CA1: variants seen among roughly 807,000 people sequenced by gnomAD.
The protein encoded by CA1 is carbonate dehydratase I.
CA1 carries 27 observed loss-of-function variants against 28.8 expected under a neutral mutation model. The ratio of observed to expected loss-of-function variants is 0.94; its 90% CI spans 0.69 to 1.29. The LOEUF (loss-of-function observed/expected upper bound fraction) is 1.29, where lower values mean the gene tolerates loss of function less well. Among genes scored for constraint, CA1 ranks in the 50% most tolerant of loss-of-function variants. The probability of loss-of-function intolerance (pLI) is 0.00; values close to 1 mark genes in which losing one functional copy is unlikely to be tolerated. For synonymous variants in CA1, 121 were observed against 108.8 expected (o/e 1.11, Z -0.70); for missense variants, 335 against 310.5 (o/e 1.08, Z -0.59).
At chr8:85,337,249 C>CT (rs1808700607) in intron 3 of CA1, 186 bp from the exon 4 acceptor site, 1 of 604,892 alleles carries the variant, frequency 1.7e-6, no homozygotes, top group Non-Finnish European at 3.0e-6. Flanking sequence ...GCACCCCTGA[C>CT]TGTGGCATTG....
chr8:85,366,754 A>T (rs554651771), intron 1 of CA1, among the ~76,000 whole-genome samples: 1 of 152,354 alleles, frequency 6.6e-6, no homozygotes, highest in African/African-American at 2.4e-5. Flanking sequence ...AGACAAGTGC[A>T]TTTGTGATAC....
At chr8:85,337,572 G>T (rs978580585) in intron 3 of CA1, among the ~76,000 whole-genome samples, 6 of 152,110 alleles carry the variant, frequency 3.9e-5, no homozygotes, top group African/African-American at 1.2e-4. Context: ...TACCAGTGGG[G>T]CAGTGGGGCA....
intron 1 of CA1, among the ~76,000 whole-genome samples, chr8:85,360,384 C>A (rs1380642236): frequency 6.6e-6 from 1 of 152,178 alleles, no homozygotes; most frequent in Non-Finnish European, 1.5e-5. Flanking sequence ...AACAGTAAAG[C>A]CTTTTTAGAA....
intron 1 of CA1, among the ~76,000 whole-genome samples, chr8:85,360,557 G>A (rs1809753459): frequency 6.6e-6 from 1 of 152,130 alleles, no homozygotes; most frequent in South Asian, 2.1e-4. Flanking sequence ...GCCAGGCGTG[G>A]TGGCATGTGC....
At chr8:85,342,482 A>G (rs1412945715) in intron 1 of CA1, among the ~76,000 whole-genome samples, 1 of 152,328 alleles carries the variant, frequency 6.6e-6, no homozygotes, top group Admixed American at 6.5e-5. Context: ...CCAAGAAGCC[A>G]AGACTTCAGC....
chr8:85,332,508 G>A lies in CA1; in HGVS notation c.495C>T (p.Leu165=). The A allele has an allele frequency of 6.2e-7, 1 of 1,612,812 alleles. No homozygotes were observed. Among genetic ancestry groups the A allele is most frequent in the Non-Finnish European group, 8.5e-7 (1 of 1,179,138 alleles). ...NPKLQKVLDA[L]QAIKTKGKRA... Reference sequence around the variant, plus strand: ...TGTTTACCTTGGTTTTAATTGCTTGGAGGGCATCAAGTACTTTCTGCAGCT... The same window carrying A: ...TGTTTACCTTGGTTTTAATTGCTTGAAGGGCATCAAGTACTTTCTGCAGCT... Residue 165 remains leucine, a synonymous_variant, in exon 6 of 8, where the codon CTC becomes CTT. Coordinates refer to ENST00000523022, the MANE Select transcript of CA1 (RefSeq NM_001128831.4).
intron 1 of CA1, among the ~76,000 whole-genome samples, chr8:85,371,695 T>C (rs1810233624): frequency 6.6e-6 from 1 of 152,128 alleles, no homozygotes. Context: ...TAAAATAATT[T>C]GCTGAGCGTG....
intron 1 of CA1, among the ~76,000 whole-genome samples, chr8:85,375,125 ACAGCTTAAG>A (rs1810362631): frequency 6.6e-6 from 1 of 152,220 alleles, no homozygotes; most frequent in African/African-American, 2.4e-5. Context: ...GAATGGTCTT[ACAGCTTAAG>A]CATCATTATT....
chr8:85,377,176 A>G (rs1015400292), intron 1 of CA1, among the ~76,000 whole-genome samples: 3 of 152,202 alleles, frequency 2.0e-5, no homozygotes, highest in Admixed American at 1.3e-4. Flanking sequence ...TATAATTTCA[A>G]TTTTAAAGTA....
chr8:85,327,801 T>C lies in CA1; in HGVS notation c.*759A>G, dbSNP rs930743325. The C allele has an allele frequency of 1.3e-5, 2 of 152,242 alleles. No individual in the cohort carries two copies. Among genetic ancestry groups the C allele is most frequent in the Non-Finnish European group, 2.9e-5 (2 of 68,044 alleles). The allele number at this position is 152,242 out of a possible 1,614,324, so 9.4% of individuals were successfully genotyped here. A position where few individuals can be genotyped will look rare whatever the true frequency, so the allele number is the denominator to read the frequency against. ...GTTTCTATATGATTCTAAGCAAGAA[T>C]GACTTCTTTAGCATTTTTATAAACC... On this transcript the variant is annotated 3_prime_UTR_variant, in exon 8 of 8. Transcript: ENST00000523022.
At chr8:85,376,343 A>G (rs1197111960) in intron 1 of CA1, among the ~76,000 whole-genome samples, 1 of 151,648 alleles carries the variant, frequency 6.6e-6, no homozygotes, top group African/African-American at 2.4e-5. Flanking sequence ...AAAACAAAAA[A>G]GTTATAAAAG....
chr8:85,341,547 G>T, intron 2 of CA1, 52 bp downstream of exon 2: 1 of 1,075,408 alleles, frequency 9.3e-7, no homozygotes, highest in Non-Finnish European at 1.5e-6. Context: ...CTTTTCTGTT[G>T]GAAATGGGAA....
intron 1 of CA1, among the ~76,000 whole-genome samples, chr8:85,356,100 T>G (rs1809597509): frequency 6.6e-6 from 1 of 152,022 alleles, no homozygotes; most frequent in African/African-American, 2.4e-5. Flanking sequence ...AGCCCAAGAG[T>G]TTTTTCTATG....
intron 1 of CA1, among the ~76,000 whole-genome samples, chr8:85,363,992 T>C (rs1173040073): frequency 6.6e-6 from 1 of 152,112 alleles, no homozygotes; most frequent in Non-Finnish European, 1.5e-5. Context: ...TCCTTTCCTT[T>C]CTTTTCTTTT....
chr8:85,374,852 G>A (rs1277325014), intron 1 of CA1, among the ~76,000 whole-genome samples: 2 of 152,096 alleles, frequency 1.3e-5, no homozygotes, highest in Non-Finnish European at 2.9e-5. Context: ...ATACAGAAAT[G>A]ACTGATACCC....
intron 2 of CA1, 26 bp from the exon 3 acceptor site, chr8:85,338,475 C>T: frequency 6.3e-7 from 1 of 1,590,552 alleles, no homozygotes; most frequent in African/African-American, 1.3e-5. Flanking sequence ...CGTGTAAAAT[C>T]AATGTCTTAT....
intron 1 of CA1, among the ~76,000 whole-genome samples, chr8:85,344,516 T>C (rs1809100945): frequency 6.6e-6 from 1 of 151,494 alleles, no homozygotes; most frequent in South Asian, 2.1e-4. Context: ...TTAAATTATA[T>C]TTAAGAGCCT....
At chr8:85,344,259 AG>A (rs1809070439) in intron 1 of CA1, among the ~76,000 whole-genome samples, 1 of 85,578 alleles carries the variant, frequency 1.2e-5, no homozygotes, top group Non-Finnish European at 2.1e-5. Context: ...TATTATATAC[AG>A]TATATAATAT....
chr8:85,361,082 A>G (rs1364366006), intron 1 of CA1, among the ~76,000 whole-genome samples: 1 of 152,164 alleles, frequency 6.6e-6, no homozygotes, highest in African/African-American at 2.4e-5. Flanking sequence ...CCTTAGAGGC[A>G]CATGTTGTCC....
Sources: gnomAD v4.1 joint callset for allele counts (sites outside exome capture counted in the v4.1 genomes callset) on GRCh38, gnomAD v4.1.1 for gene constraint, MANE v1.5 for transcripts, NCBI Gene and HGNC (gene_info 2026-07-23, HGNC 2026-07-21) for gene names.